DOCK2: variants seen among roughly 807,000 people sequenced by gnomAD.
DOCK2 encodes the protein dedicator of cytokinesis protein 2.
DOCK2 carries 87 observed loss-of-function variants against 248.9 expected under a neutral mutation model. The ratio of observed to expected loss-of-function variants is 0.35; its 90% CI spans 0.29 to 0.42. DOCK2 has a LOEUF of 0.42. Ranked by LOEUF, DOCK2 falls within the 10% of genes least tolerant of loss-of-function variation. The probability of loss-of-function intolerance (pLI) is 1.00; values close to 1 mark genes in which losing one functional copy is unlikely to be tolerated. For missense variants in DOCK2, 1,747 were observed against 2,300.2 expected, an observed-to-expected ratio of 0.76 and a Z score of 4.92; for synonymous variants, 805 against 821.6, an observed-to-expected ratio of 0.98 and a Z score of 0.35.
intron 30 of DOCK2, among the ~76,000 whole-genome samples, chr5:169,999,711 C>G: frequency 6.6e-6 from 1 of 152,198 alleles, no homozygotes; most frequent in East Asian, 1.9e-4. Flanking sequence ...CCTACCTCTT[C>G]CTCCCCCTGT....
At chr5:169,788,501 A>T (rs1281938898) in intron 25 of DOCK2, among the ~76,000 whole-genome samples, 1 of 152,198 alleles carries the variant, frequency 6.6e-6, no homozygotes, top group Non-Finnish European at 1.5e-5. Flanking sequence ...ATTAAAACAC[A>T]ATATGAAAAA....
chr5:169,805,929 G>A (rs1411665052), intron 26 of DOCK2, among the ~76,000 whole-genome samples: 1 of 152,168 alleles, frequency 6.6e-6, no homozygotes, highest in African/African-American at 2.4e-5. Context: ...TTCTCCGGGT[G>A]AGCAACTGTC....
intron 9 of DOCK2, among the ~76,000 whole-genome samples, chr5:169,694,772 G>A (rs1023420809): frequency 2.0e-5 from 3 of 151,980 alleles, no homozygotes; most frequent in African/African-American, 7.3e-5. Context: ...TTGAGCCCAG[G>A]AGTTTGAAAT....
chr5:170,077,769 G>A lies in DOCK2; in HGVS notation c.4926G>A (p.Gln1642=). ...RPRSMLRSYR[Q]MSIISLASMN... ...GGTCTATGCTGCGCTCATACAGACA[G>A]ATGTCCATCATCTCTCTGGCTTCCA... Residue 1642 remains glutamine, a synonymous_variant, in exon 48 of 52, where the codon CAG becomes CAA. Transcript: ENST00000520908. The A allele has an allele frequency of 6.2e-6, 10 of 1,613,982 alleles. No homozygotes were observed. The highest frequency in any genetic ancestry group is 8.5e-6 in the Non-Finnish European group (10 of 1,179,986).
intron 27 of DOCK2, among the ~76,000 whole-genome samples, chr5:169,885,168 GTCACATTTT>G (rs1561795293): frequency 6.6e-6 from 1 of 152,090 alleles, no homozygotes; most frequent in Non-Finnish European, 1.5e-5. Context: ...GTACATCCTC[GTCACATTTT>G]TCACAATACA....
chr5:169,889,284 T>C (rs1773151819), intron 27 of DOCK2, among the ~76,000 whole-genome samples: 1 of 152,206 alleles, frequency 6.6e-6, no homozygotes, highest in African/African-American at 2.4e-5. Flanking sequence ...TATCAGTAGG[T>C]CTCATGTCTG....
chr5:170,043,800 T>C (rs1756601010), intron 38 of DOCK2, among the ~76,000 whole-genome samples: 1 of 152,210 alleles, frequency 6.6e-6, no homozygotes, highest in Non-Finnish European at 1.5e-5. Context: ...AAAGTACACG[T>C]TGAGCTTTGT....
intron 32 of DOCK2, 35 bp downstream of exon 32, chr5:170,008,781 G>C: frequency 6.2e-7 from 1 of 1,613,154 alleles, no homozygotes; most frequent in African/African-American, 1.3e-5. Flanking sequence ...ACTCACATCT[G>C]CAGGCACCAA....
rs1445432409 is a variant in DOCK2 at position 169,717,467 on chromosome 5, T to G, written c.2115T>G (p.Ser705Arg). Residue 705 changes from serine to arginine, a missense_variant, in exon 21 of 52, where the codon AGT becomes AGG. By Grantham distance (110) the Ser-to-Arg change is moderately radical. Coordinates refer to ENST00000520908, the MANE Select transcript of DOCK2 (RefSeq NM_004946.3). Reference protein sequence around the residue: ...VLEAYIQQHFSATLAYKKLMT... With the variant: ...VLEAYIQQHFRATLAYKKLMT... ...AGGCTTACATCCAACAGCATTTCAG[T>G]GCGACCTTGGCTTACAAGTAAGTAA... 1 of 1,613,828 alleles carries G rather than the reference T, an allele frequency of 6.2e-7. No homozygotes were observed.
At chr5:169,785,457 T>C (rs1765935304) in intron 25 of DOCK2, among the ~76,000 whole-genome samples, 1 of 152,218 alleles carries the variant, frequency 6.6e-6, no homozygotes, top group South Asian at 2.1e-4. Flanking sequence ...TTAGCATATA[T>C]AGAACAAATG....
At chr5:170,058,126 C>T (rs1269165421) in intron 44 of DOCK2, among the ~76,000 whole-genome samples, 5 of 152,258 alleles carry the variant, frequency 3.3e-5, no homozygotes, top group Middle Eastern at 6.8e-3. Context: ...TTTGATCTCC[C>T]TTGTGCAGAT....
chr5:169,910,054 C>T (rs1774508869), intron 27 of DOCK2, among the ~76,000 whole-genome samples: 1 of 152,120 alleles, frequency 6.6e-6, no homozygotes, highest in Non-Finnish European at 1.5e-5. Flanking sequence ...CATGAGGACA[C>T]TTAATGTTTA....
chr5:169,784,609 G>A lies in DOCK2; in HGVS notation c.2555-18449G>A, dbSNP rs182298961. Among the ~76,000 whole-genome samples the A allele has an allele frequency of 2.6e-5, 4 of 152,348 alleles. No homozygotes were observed. In the East Asian group the frequency reaches 5.8e-4, roughly 22 times the overall value. ...ATTCCTTTTCAATCTTTCTGATTATGTCAACGATTGTGTATCTTTGCTGTT... is the reference window on the plus strand; with the variant it reads ...ATTCCTTTTCAATCTTTCTGATTATATCAACGATTGTGTATCTTTGCTGTT... On this transcript the variant is annotated intron_variant, in intron 25 of 51. Transcript: ENST00000520908.
intron 6 of DOCK2, among the ~76,000 whole-genome samples, chr5:169,678,373 C>T (rs1405539122): frequency 1.3e-5 from 2 of 151,856 alleles, no homozygotes; most frequent in African/African-American, 4.8e-5. Context: ...AAGTGATTCT[C>T]CTGCCTCAGT....
intron 1 of DOCK2, among the ~76,000 whole-genome samples, chr5:169,648,475 A>G (rs1191195785): frequency 6.6e-6 from 1 of 152,172 alleles, no homozygotes; most frequent in Non-Finnish European, 1.5e-5. Flanking sequence ...GCAGCCCATA[A>G]GGTTGTTATC....
chr5:170,062,368 A>G (rs899097190), intron 44 of DOCK2, among the ~76,000 whole-genome samples: 6 of 152,156 alleles, frequency 3.9e-5, no homozygotes, highest in Admixed American at 1.3e-4. Flanking sequence ...CTCATGGATC[A>G]ATTCCCTCTG....
chr5:169,781,087 C>G (rs1765688057), intron 25 of DOCK2, among the ~76,000 whole-genome samples: 1 of 152,192 alleles, frequency 6.6e-6, no homozygotes, highest in African/African-American at 2.4e-5. Context: ...GGACAGGATG[C>G]CATTCCGTCA....
In DOCK2 at chr5:169,930,212, A is replaced by G. The variant is rs923398912; in HGVS notation, c.2800-52856A>G. Among the ~76,000 whole-genome samples the G allele has an allele frequency of 6.6e-5, 10 of 152,244 alleles. 1 individual carries two copies. The highest frequency in any genetic ancestry group is 6.5e-4 in the Admixed American group (10 of 15,294). The stretch of plus-strand genomic sequence containing the variant: ...TCACCATGTTGGCTAGGATGGTCTC[A>G]ATCTCCTGACCTTGTGATCCGCCTG... On this transcript the variant is annotated intron_variant, in intron 27 of 51. Coordinates refer to ENST00000520908, the MANE Select transcript of DOCK2 (RefSeq NM_004946.3).
At chr5:169,849,750 G>A (rs1372083435) in intron 27 of DOCK2, among the ~76,000 whole-genome samples, 1 of 152,194 alleles carries the variant, frequency 6.6e-6, no homozygotes, top group Non-Finnish European at 1.5e-5. Context: ...GGTTCTGGAG[G>A]CAAAGTGTCC....
Sources: gnomAD v4.1 joint callset for allele counts (sites outside exome capture counted in the v4.1 genomes callset) on GRCh38, gnomAD v4.1.1 for gene constraint, MANE v1.5 for transcripts, NCBI Gene and HGNC (gene_info 2026-07-23, HGNC 2026-07-21) for gene names.